Variants in ZNF563 observed in about 807,000 individuals in gnomAD.
ZNF563 encodes the protein zinc finger protein 563.
ZNF563 carries 39 observed loss-of-function variants against 48.5 expected under a neutral mutation model. That is an observed-to-expected ratio of 0.80 (90% confidence interval 0.62 to 1.05). ZNF563 has a LOEUF of 1.05. Ranked by LOEUF, ZNF563 falls within the 50% of genes least tolerant of loss-of-function variation. ZNF563 has a pLI of 0.00. For missense variants in ZNF563, 538 were observed against 597.0 expected (o/e 0.90, Z 1.03); for synonymous variants, 168 against 187.9 (o/e 0.89, Z 0.87).
upstream of ZNF563, among the ~76,000 whole-genome samples, chr19:12,338,569 G>A (rs1969042433): frequency 6.6e-6 from 1 of 152,114 alleles, no homozygotes; most frequent in East Asian, 1.9e-4. Context: ...AAACACTACA[G>A]TTGGCCAAGC....
intron 1 of ZNF563, among the ~76,000 whole-genome samples, chr19:12,329,721 A>G (rs1386463948): frequency 1.3e-5 from 2 of 152,150 alleles, no homozygotes; most frequent in Non-Finnish European, 2.9e-5. Flanking sequence ...CATAAAAGTA[A>G]CATCAAGTAA....
rs202169219 is a variant in ZNF563 at position 12,318,655 on chromosome 19, G to T, written c.1370C>A (p.Ala457Asp). Residue 457 changes from alanine (A) to aspartate (D), a missense_variant, in exon 4 of 4, where the codon GCC becomes GAC. Transcript: ENST00000293725. ...TTGACATACACTGGGATAAACAAAG[G>T]CTTTCCCACATACCTTGCATTTATT... ...GPNKCKVCGK[A>D]FVYPSVCQRH... is the part of the protein sequence containing the mutation. 1.9e-6 allele frequency: 3 copies of T among 1,613,966 alleles called. No homozygotes were observed. The highest frequency in any genetic ancestry group is 2.2e-5 in the South Asian group (2 of 91,078).
rs1351113606 is a variant in ZNF563, at chr19:12,318,823, G to A, written c.1202C>T (p.Ala401Val). 1.2e-6 allele frequency: 2 copies of A among 1,613,892 alleles called. No homozygotes were observed. Among genetic ancestry groups the A allele is most frequent in the South Asian group, 1.1e-5 (1 of 91,042 alleles). The change falls in exon 4 of 4, where the codon GCT becomes GTT. Residue 401 changes from alanine to valine, a missense_variant. Transcript: ENST00000293725. ...TTGACATACACTAGGATAAACAAAAGCTTTCCCACATATCTTGCATTTATG... is the reference window on the plus strand; with the variant it reads ...TTGACATACACTAGGATAAACAAAAACTTTCCCACATATCTTGCATTTATG... ...GPHKCKICGKAFVYPSVCQRH... is the reference protein window; with the variant it reads ...GPHKCKICGKVFVYPSVCQRH...
At chr19:12,333,254 G>C (rs894447444) in intron 1 of ZNF563, among the ~76,000 whole-genome samples, 1 of 152,194 alleles carries the variant, frequency 6.6e-6, no homozygotes, top group African/African-American at 2.4e-5. Flanking sequence ...CTCCGAGGCC[G>C]GGACCGCAGT....
intron 1 of ZNF563, among the ~76,000 whole-genome samples, chr19:12,331,745 C>T (rs1056020108): frequency 2.6e-5 from 4 of 152,184 alleles, no homozygotes; most frequent in African/African-American, 9.7e-5. Flanking sequence ...CAAGACAAGG[C>T]TGCTGTATCC....
At chr19:12,344,805 G>A in the ZNF563 span, among the ~76,000 whole-genome samples, 1 of 152,198 alleles carries the variant, frequency 6.6e-6, no homozygotes, top group African/African-American at 2.4e-5. Context: ...ATGATTCTAT[G>A]TGGAGAAAAC....
chr19:12,319,691 T>C lies in ZNF563; in HGVS notation c.334A>G (p.Ile112Val). 1.2e-6 allele frequency: 2 copies of C among 1,614,196 alleles called. No individual in the cohort carries two copies. Among genetic ancestry groups the C allele is most frequent in the East Asian group, 2.2e-5 (1 of 44,884 alleles). Residue 112 changes from isoleucine (I) to valine (V), a missense_variant, in exon 4 of 4, where the codon ATA becomes GTA. Ile to Val is a conservative substitution (Grantham distance 29). Transcript: ENST00000293725. ...PCQSAECEEV[I>V]MGHLSLNSHI... ...CTATTAAGGGATAAATGACCCATTA[T>C]GACTTCTTCACACTCAGCGCTTTGA...
At chr19:12,342,363 T>TG in the ZNF563 span, among the ~76,000 whole-genome samples, 158 of 150,416 alleles carry the variant, frequency 1.1e-3, 4 homozygotes, top group African/African-American at 3.7e-3. Context: ...CTATAATTAT[T>TG]GGAAAAAAAT....
the ZNF563 span, among the ~76,000 whole-genome samples, chr19:12,340,060 T>C: frequency 6.6e-6 from 1 of 152,096 alleles, no homozygotes; most frequent in African/African-American, 2.4e-5. Context: ...TGTGGCCAGG[T>C]GCGGTGGCTC....
the ZNF563 span, among the ~76,000 whole-genome samples, chr19:12,340,777 C>CA: frequency 3.7e-3 from 516 of 138,352 alleles, no homozygotes; most frequent in Non-Finnish European, 5.4e-3. Flanking sequence ...ACTCCATCTC[C>CA]AAAAAAAAAA....
chr19:12,346,921 T>C, the ZNF563 span: 66 of 152,278 alleles, frequency 4.3e-4, 1 homozygote, highest in African/African-American at 1.5e-3. Flanking sequence ...AGAATGGAGA[T>C]TTTCAGTACT....
intron 3 of ZNF563, 42 bp from the exon 4 acceptor site, chr19:12,319,875 A>T (rs762978048): frequency 3.2e-6 from 5 of 1,548,698 alleles, no homozygotes; most frequent in Non-Finnish European, 4.4e-6. Flanking sequence ...GTTGTTTCTA[A>T]ATGATTATTT....
intron 1 of ZNF563, 101 bp downstream of exon 1, chr19:12,333,379 C>T (rs1968970814): frequency 2.1e-5 from 32 of 1,515,146 alleles, no homozygotes; most frequent in Non-Finnish European, 2.8e-5. Flanking sequence ...TCCCAGACCC[C>T]GGAGCTGACG....
rs1281093549 is a variant in ZNF563 at position 12,319,042 on chromosome 19, A to C, written c.983T>G (p.Met328Arg). 1.2e-6 allele frequency: 2 copies of C among 1,614,062 alleles called. No individual in the cohort carries two copies. The highest frequency in any genetic ancestry group is 1.7e-6 in the Non-Finnish European group (2 of 1,179,986). Residue 328 changes from methionine (M) to arginine (R), a missense_variant, in exon 4 of 4, where the codon ATG (methionine) becomes AGG (arginine). Met to Arg is a moderately conservative substitution (Grantham distance 91). Transcript: ENST00000293725. ...AGGTCGATCTCCAGTGTGCCTTTTC[A>C]TGTGTATCTGAAAGCTTCCAAGATG... ...FHHLGSFQIH[M>R]KRHTGDRPHK...
At chr19:12,334,454 A>C (rs111499693), upstream of ZNF563, among the ~76,000 whole-genome samples, 17 of 152,248 alleles carry the variant, frequency 1.1e-4, no homozygotes, top group African/African-American at 4.1e-4. Context: ...TGGTGATGAG[A>C]CTGGGACACT....
chr19:12,333,391 C>T, intron 1 of ZNF563, 89 bp downstream of exon 1: 1 of 1,541,116 alleles, frequency 6.5e-7, no homozygotes. Context: ...GAGCTGACGG[C>T]GGGGGAGGCC....
Position 12,319,591 on chromosome 19 carries a change from T to A in ZNF563, c.434A>T (p.Gln145Leu). 1 of 1,614,206 alleles carries A rather than the reference T, an allele frequency of 6.2e-7. No individual in the cohort carries two copies. Residue 145 changes from glutamine to leucine, a missense_variant, in exon 4 of 4, where the codon CAA becomes CTA. Transcript: ENST00000293725. The part of the protein sequence containing the change: ...EYGEKPHTHK[Q>L]RGKAFSYHHS... Reference sequence around the variant, plus strand: ...ATGGTAACTGAAGGCTTTCCCACGTTGTTTATGTGTATGTGGCTTCTCTCC... The same window carrying A: ...ATGGTAACTGAAGGCTTTCCCACGTAGTTTATGTGTATGTGGCTTCTCTCC...
chr19:12,345,051 T>C, the ZNF563 span, among the ~76,000 whole-genome samples: 16 of 152,256 alleles, frequency 1.1e-4, no homozygotes, highest in South Asian at 3.1e-3. Flanking sequence ...GATGTGTACA[T>C]TGAAAACTAC....
chr19:12,331,024 C>T (rs1968904597), intron 1 of ZNF563, among the ~76,000 whole-genome samples: 1 of 152,112 alleles, frequency 6.6e-6, no homozygotes, highest in South Asian at 2.1e-4. Context: ...AAACTTACTA[C>T]ACAGGCTCTG....
Sources: gnomAD v4.1 joint callset for allele counts (sites outside exome capture counted in the v4.1 genomes callset) on GRCh38, gnomAD v4.1.1 for gene constraint, MANE v1.5 for transcripts, NCBI Gene and HGNC (gene_info 2026-07-23, HGNC 2026-07-21) for gene names.